TMEM45A: variants seen among roughly 807,000 people sequenced by gnomAD.
The protein encoded by TMEM45A is transmembrane protein 45A.
Under a neutral mutation model 32.0 loss-of-function variants are expected in TMEM45A, and 25 were observed. That is an observed-to-expected ratio of 0.78 (90% CI 0.57 to 1.09). The LOEUF (loss-of-function observed/expected upper bound fraction) is 1.09. TMEM45A is among the 50% of genes least tolerant of loss of function. The pLI is 0.00. For missense variants in TMEM45A, 302 were observed against 325.0 expected, an observed-to-expected ratio of 0.93 and a Z score of 0.54; for synonymous variants, 122 against 114.8, an observed-to-expected ratio of 1.06 and a Z score of -0.40.
At chr3:100,515,842 A>G (rs941044169) in intron 1 of TMEM45A, among the ~76,000 whole-genome samples, 1 of 152,152 alleles carries the variant, frequency 6.6e-6, no homozygotes, top group Non-Finnish European at 1.5e-5. Context: ...GAGGCTGGGA[A>G]GGGTGTGGGA....
At chr3:100,535,379 A>G (rs981063313) in intron 1 of TMEM45A, among the ~76,000 whole-genome samples, 1 of 152,162 alleles carries the variant, frequency 6.6e-6, no homozygotes, top group Admixed American at 6.5e-5. Flanking sequence ...AAAATTAACA[A>G]TGAACTATAA....
chr3:100,568,961 T>A lies in TMEM45A; in HGVS notation c.728T>A (p.Ile243Asn). Residue 243 changes from isoleucine to asparagine, a missense_variant, in exon 5 of 6, where the codon ATT (isoleucine) becomes AAT (asparagine). Coordinates refer to ENST00000323523, the MANE Select transcript of TMEM45A (RefSeq NM_018004.3). ...ATCGTTGGAATGAATTATGCTTTCATTACCTGGTAAGTTAGCGATTTCTGT... is the reference window on the plus strand; with the variant it reads ...ATCGTTGGAATGAATTATGCTTTCAATACCTGGTAAGTTAGCGATTTCTGT... ...IVIVGMNYAFITWLVKSRLKR... is the reference protein window; with the variant it reads ...IVIVGMNYAFNTWLVKSRLKR... 1 of 1,610,528 alleles carries A rather than the reference T, an allele frequency of 6.2e-7. No homozygotes were observed. The highest frequency in any genetic ancestry group is 1.1e-5 in the South Asian group (1 of 90,840).
chr3:100,575,606 A>C (rs1706668127), intron 5 of TMEM45A, among the ~76,000 whole-genome samples: 1 of 152,124 alleles, frequency 6.6e-6, no homozygotes, highest in African/African-American at 2.4e-5. Flanking sequence ...TCTTGACCAC[A>C]GGCGATCTGC....
intron 1 of TMEM45A, among the ~76,000 whole-genome samples, chr3:100,517,328 G>C (rs1273031870): frequency 2.0e-5 from 3 of 152,150 alleles, no homozygotes; most frequent in East Asian, 3.9e-4. Flanking sequence ...ATTTTGGCCA[G>C]GCTGGTCTTG....
intron 1 of TMEM45A, among the ~76,000 whole-genome samples, chr3:100,527,187 A>G (rs1429966123): frequency 1.3e-5 from 2 of 152,154 alleles, no homozygotes; most frequent in African/African-American, 4.8e-5. Flanking sequence ...TTAGTGCACA[A>G]TAGATATTTG....
At chr3:100,515,741 C>T (rs1708252263) in intron 1 of TMEM45A, among the ~76,000 whole-genome samples, 1 of 151,856 alleles carries the variant, frequency 6.6e-6, no homozygotes, top group African/African-American at 2.4e-5. Context: ...ACAAGCCAGG[C>T]ACAGAAAGAC....
intron 5 of TMEM45A, chr3:100,570,834 C>T (rs1174623246): frequency 6.6e-6 from 1 of 152,248 alleles, no homozygotes; most frequent in Non-Finnish European, 1.5e-5. Context: ...CCCCTCTACC[C>T]CCAACACATA....
intron 4 of TMEM45A, among the ~76,000 whole-genome samples, chr3:100,566,968 C>A (rs1706454208): frequency 6.6e-6 from 1 of 151,966 alleles, no homozygotes; most frequent in South Asian, 2.1e-4. Flanking sequence ...TCCTTTGAAG[C>A]ACAAAAGTTA....
At chr3:100,515,772 A>G (rs766701144) in intron 1 of TMEM45A, among the ~76,000 whole-genome samples, 10 of 152,164 alleles carry the variant, frequency 6.6e-5, no homozygotes, top group Non-Finnish European at 1.2e-4. Flanking sequence ...TGTTCTTACT[A>G]ATACATGAGA....
intron 1 of TMEM45A, among the ~76,000 whole-genome samples, chr3:100,506,040 C>A (rs1708075404): frequency 6.6e-6 from 1 of 152,172 alleles, no homozygotes; most frequent in Non-Finnish European, 1.5e-5. Flanking sequence ...CAGCATCGTA[C>A]TGACCAGCAC....
At chr3:100,543,772 T>C (rs6808426) in intron 1 of TMEM45A, among the ~76,000 whole-genome samples, 70,592 of 151,922 alleles carry the variant, frequency 0.46, 16,940 homozygotes, top group African/African-American at 0.57. Context: ...AATATTTTTT[T>C]CTGTCTGTCA....
At chr3:100,554,174 C>CT (rs531566153) in intron 1 of TMEM45A, among the ~76,000 whole-genome samples, 1,479 of 141,896 alleles carry the variant, frequency 0.01, 6 homozygotes, top group African/African-American at 0.019. Flanking sequence ...TCACATAATT[C>CT]TTTTTTTTTT....
At chr3:100,495,301 G>A (rs1458830903) in intron 1 of TMEM45A, among the ~76,000 whole-genome samples, 2 of 152,180 alleles carry the variant, frequency 1.3e-5, no homozygotes, top group Non-Finnish European at 2.9e-5. Flanking sequence ...TCTGGGAATG[G>A]GTTTTGTCAA....
chr3:100,545,147 C>G (rs1705959230), intron 1 of TMEM45A, among the ~76,000 whole-genome samples: 1 of 152,146 alleles, frequency 6.6e-6, no homozygotes, highest in Non-Finnish European at 1.5e-5. Flanking sequence ...ATGTGGTCAA[C>G]TTCCTCAGTC....
At chr3:100,549,012 C>T (rs980469762) in intron 1 of TMEM45A, among the ~76,000 whole-genome samples, 1 of 152,124 alleles carries the variant, frequency 6.6e-6, no homozygotes, top group African/African-American at 2.4e-5. Flanking sequence ...CTTTGGGAGG[C>T]CAAGGTGGGC....
rs145654693 is a variant in TMEM45A, at chr3:100,521,947, T to C, written c.-4+29019T>C. On this transcript the variant is annotated intron_variant, in intron 1 of 5. Transcript: ENST00000323523. Reference sequence around the variant, plus strand: ...TTGTTGTTTCAGGTGGTAAGAGTTCTGTAGAAGCCAGGCTTTCCTAACATC... The same window carrying C: ...TTGTTGTTTCAGGTGGTAAGAGTTCCGTAGAAGCCAGGCTTTCCTAACATC... Among the ~76,000 whole-genome samples the C allele has an allele frequency of 5.4e-4, 83 of 152,368 alleles. No individual in the cohort carries two copies. The Middle Eastern group carries it at 0.01, about 19-fold the overall frequency.
chr3:100,528,610 A>G (rs1705591622), intron 1 of TMEM45A, among the ~76,000 whole-genome samples: 1 of 152,178 alleles, frequency 6.6e-6, no homozygotes, highest in Non-Finnish European at 1.5e-5. Context: ...ATGGCAGACT[A>G]GAAACTCTCC....
chr3:100,536,789 GA>G (rs1360097622), intron 1 of TMEM45A, among the ~76,000 whole-genome samples: 1 of 152,206 alleles, frequency 6.6e-6, no homozygotes, highest in Non-Finnish European at 1.5e-5. Flanking sequence ...AGTTCCACTG[GA>G]TAGATGGTTG....
At chr3:100,494,200 C>A (rs1290690092) in intron 1 of TMEM45A, among the ~76,000 whole-genome samples, 3 of 152,152 alleles carry the variant, frequency 2.0e-5, no homozygotes, top group Non-Finnish European at 4.4e-5. Flanking sequence ...CATGTATAAT[C>A]CCCTCTGTTT....
Sources: gnomAD v4.1 joint callset for allele counts (sites outside exome capture counted in the v4.1 genomes callset) on GRCh38, gnomAD v4.1.1 for gene constraint, MANE v1.5 for transcripts, NCBI Gene and HGNC (gene_info 2026-07-23, HGNC 2026-07-21) for gene names.